Variants in RARB observed in about 807,000 individuals in gnomAD.
RARB encodes retinoic acid receptor beta.
RARB carries 17 observed loss-of-function variants against 51.9 expected under a neutral mutation model. The observed-to-expected ratio is 0.33, with a 90% CI of 0.22 to 0.49. RARB has a LOEUF of 0.49. RARB is among the 20% of genes least tolerant of loss of function. The probability of loss-of-function intolerance (pLI) is 0.99; values close to 1 mark genes in which losing one functional copy is unlikely to be tolerated. For missense variants in RARB, 369 were observed against 550.8 expected, an observed-to-expected ratio of 0.67 and a Z score of 3.30; for synonymous variants, 215 against 195.4, an observed-to-expected ratio of 1.10 and a Z score of -0.84.
intron 2 of RARB, among the ~76,000 whole-genome samples, chr3:24,961,761 C>G (rs1381650601): frequency 2.6e-5 from 4 of 152,114 alleles, no homozygotes; most frequent in Non-Finnish European, 4.4e-5. Context: ...AAGCCGATGA[C>G]TAAAATGGAT....
chr3:25,174,225 C>G, exon 5 of RARB: 1 of 386,012 alleles, frequency 2.6e-6, no homozygotes, highest in Non-Finnish European at 4.6e-6. Context: ...AAATGACAGG[C>G]AGAGAAACCA....
chr3:25,332,311 A>C (rs1192792435), intron 5 of RARB, among the ~76,000 whole-genome samples: 1 of 152,238 alleles, frequency 6.6e-6, no homozygotes, highest in African/African-American at 2.4e-5. Context: ...GCAGCACATC[A>C]AAAAGGTTAT....
chr3:25,298,217 C>G (rs1363692954), intron 5 of RARB, among the ~76,000 whole-genome samples: 1 of 147,884 alleles, frequency 6.8e-6, no homozygotes, highest in African/African-American at 2.5e-5. Context: ...GAATCTCGCT[C>G]TGTCACCCAG....
chr3:25,195,969 T>C (rs970361448), intron 5 of RARB, among the ~76,000 whole-genome samples: 1 of 151,976 alleles, frequency 6.6e-6, no homozygotes, highest in Non-Finnish European at 1.5e-5. Context: ...ACTGGGAGTT[T>C]TGTGGTTATA....
At chr3:25,331,196 C>T (rs1034674694) in intron 5 of RARB, among the ~76,000 whole-genome samples, 2 of 152,200 alleles carry the variant, frequency 1.3e-5, no homozygotes, top group African/African-American at 4.8e-5. Context: ...CTACAGAATT[C>T]TCCACCCCAA....
At chr3:25,585,868 G>C (rs1324027115) in intron 5 of RARB, among the ~76,000 whole-genome samples, 1 of 152,216 alleles carries the variant, frequency 6.6e-6, no homozygotes, top group East Asian at 1.9e-4. Context: ...AGTGGAGCCA[G>C]ATGTTGAACC....
chr3:25,573,242 G>A (rs995748487), intron 4 of RARB, among the ~76,000 whole-genome samples: 2 of 151,954 alleles, frequency 1.3e-5, no homozygotes, highest in South Asian at 2.1e-4. Flanking sequence ...ATAAACTATC[G>A]TGCATTCCAA....
At chr3:25,047,301 A>G (rs1288980140) in intron 2 of RARB, among the ~76,000 whole-genome samples, 1 of 152,196 alleles carries the variant, frequency 6.6e-6, no homozygotes, top group Admixed American at 6.5e-5. Flanking sequence ...TTACAAAAGA[A>G]AGAGAAAAAA....
chr3:24,901,550 T>TA (rs1703606414), intron 2 of RARB, among the ~76,000 whole-genome samples: 1 of 152,176 alleles, frequency 6.6e-6, no homozygotes, highest in Admixed American at 6.5e-5. Context: ...TCAGGGATTT[T>TA]AAAAAATAAA....
intron 2 of RARB, among the ~76,000 whole-genome samples, chr3:25,054,475 T>G (rs1698398597): frequency 6.6e-6 from 1 of 152,140 alleles, no homozygotes; most frequent in South Asian, 2.1e-4. Context: ...GAGATGGTGG[T>G]GTTTGGTGTG....
chr3:24,843,101 AT>A (rs1315100925), intron 1 of RARB, among the ~76,000 whole-genome samples: 2 of 152,058 alleles, frequency 1.3e-5, no homozygotes, highest in Admixed American at 1.3e-4. Context: ...TGAATACAGT[AT>A]TTTTTTTAAC....
intron 2 of RARB, among the ~76,000 whole-genome samples, chr3:24,878,038 G>T (rs557863369): frequency 6.6e-6 from 1 of 152,102 alleles, no homozygotes; most frequent in Non-Finnish European, 1.5e-5. Context: ...CACGTGCAAG[G>T]TTCCAAAATG....
At chr3:25,005,816 T>G (rs1053402951) in intron 2 of RARB, among the ~76,000 whole-genome samples, 11 of 152,142 alleles carry the variant, frequency 7.2e-5, no homozygotes, top group African/African-American at 2.7e-4. Context: ...CAAGTCAGAT[T>G]GTATCATTTT....
chr3:25,235,663 T>C (rs1702285366), intron 5 of RARB, among the ~76,000 whole-genome samples: 1 of 152,172 alleles, frequency 6.6e-6, no homozygotes, highest in South Asian at 2.1e-4. Flanking sequence ...TTTTCTATTA[T>C]CTATTACAGC....
chr3:25,295,814 A>G (rs749972902), intron 5 of RARB, among the ~76,000 whole-genome samples: 8 of 152,206 alleles, frequency 5.3e-5, no homozygotes, highest in Admixed American at 1.3e-4. Context: ...AAGGCAGATC[A>G]CCAACAGCAG....
At chr3:25,513,061 C>T (rs1169701892) in intron 3 of RARB, among the ~76,000 whole-genome samples, 2 of 146,124 alleles carry the variant, frequency 1.4e-5, no homozygotes, top group South Asian at 2.1e-4. Flanking sequence ...AGGTGGATCA[C>T]GAGGTCAGGA....
intron 5 of RARB, among the ~76,000 whole-genome samples, chr3:25,362,402 C>T (rs1188063665): frequency 6.6e-6 from 1 of 152,210 alleles, no homozygotes; most frequent in African/African-American, 2.4e-5. Flanking sequence ...ACTCTCATTC[C>T]AGTGGATTTT....
At chr3:25,221,112 CATACAAG>C (rs1226673818) in intron 5 of RARB, among the ~76,000 whole-genome samples, 1 of 151,998 alleles carries the variant, frequency 6.6e-6, no homozygotes, top group East Asian at 1.9e-4. Flanking sequence ...AGTGGATTTT[CATACAAG>C]ATACAGATAT....
intron 5 of RARB, among the ~76,000 whole-genome samples, chr3:25,369,786 G>T (rs1706243098): frequency 6.6e-6 from 1 of 152,174 alleles, no homozygotes; most frequent in Admixed American, 6.5e-5. Flanking sequence ...GCCTGGCATG[G>T]TGGCACATGC....
Sources: gnomAD v4.1 joint callset for allele counts (sites outside exome capture counted in the v4.1 genomes callset) on GRCh38, gnomAD v4.1.1 for gene constraint, MANE v1.5 for transcripts, NCBI Gene and HGNC (gene_info 2026-07-23, HGNC 2026-07-21) for gene names.